MPPED1: variants seen among roughly 807,000 people sequenced by gnomAD.
MPPED1 encodes the protein metallophosphoesterase domain-containing protein 1.
A neutral mutation model predicts 36.2 loss-of-function variants in MPPED1; 16 were observed. The observed-to-expected ratio is 0.44, with a 90% CI of 0.30 to 0.67. The LOEUF (loss-of-function observed/expected upper bound fraction) is 0.67. MPPED1 is among the 30% of genes least tolerant of loss of function. The probability of loss-of-function intolerance (pLI) is 0.10; values close to 1 mark genes in which losing one functional copy is unlikely to be tolerated. For missense variants in MPPED1, 307 were observed against 453.4 expected (o/e 0.68, Z 2.93); for synonymous variants, 199 against 191.3 (o/e 1.04, Z -0.33).
chr22:43,430,602 C>G (rs1929641172), intron 2 of MPPED1, among the ~76,000 whole-genome samples: 1 of 152,136 alleles, frequency 6.6e-6, no homozygotes, highest in Non-Finnish European at 1.5e-5. Context: ...AGATGGGTGT[C>G]AGGTCTCAGA....
At chr22:43,457,927 A>G (rs1246709417) in intron 3 of MPPED1, among the ~76,000 whole-genome samples, 2 of 152,210 alleles carry the variant, frequency 1.3e-5, no homozygotes, top group Non-Finnish European at 1.5e-5. Flanking sequence ...GACAGACTGC[A>G]TATACTACAG....
chr22:43,466,294 T>C (rs1043973304), intron 3 of MPPED1, among the ~76,000 whole-genome samples: 3 of 151,542 alleles, frequency 2.0e-5, no homozygotes, highest in Non-Finnish European at 2.9e-5. Context: ...CATTGGGGGG[T>C]CTGCCATCCT....
intron 4 of MPPED1, among the ~76,000 whole-genome samples, chr22:43,495,292 G>A (rs865782395): frequency 2.0e-5 from 3 of 147,540 alleles, no homozygotes; most frequent in African/African-American, 7.6e-5. Context: ...TGGAGGTGGT[G>A]ATGGAGGTGA....
chr22:43,474,375 C>G lies in MPPED1; in HGVS notation c.407-361C>G, dbSNP rs1215144887. Reference sequence around the variant, plus strand: ...GATGGCCAGTGGAGGCCTGGACAGGCAGGACTGTGGGGACAGTGATCAGGC... The same window carrying G: ...GATGGCCAGTGGAGGCCTGGACAGGGAGGACTGTGGGGACAGTGATCAGGC... On this transcript the variant is annotated intron_variant, in intron 3 of 6. Transcript: ENST00000443721. This position sits in a 1 kb window ranked among gnomAD's most constrained non-coding sequence, Gnocchi z 5.2. Among the ~76,000 whole-genome samples the G allele has an allele frequency of 6.6e-6, 1 of 152,252 alleles. No homozygotes were observed. The highest frequency in any genetic ancestry group is 1.5e-5 in the Non-Finnish European group (1 of 68,044).
chr22:43,449,371 A>T (rs1462892621), intron 3 of MPPED1, among the ~76,000 whole-genome samples: 1 of 151,842 alleles, frequency 6.6e-6, no homozygotes, highest in African/African-American at 2.4e-5. Context: ...CAGGGCAGGG[A>T]TCTGGATCGT....
intron 3 of MPPED1, among the ~76,000 whole-genome samples, chr22:43,460,740 A>G (rs1930929115): frequency 6.6e-6 from 1 of 152,080 alleles, no homozygotes; most frequent in African/African-American, 2.4e-5. Flanking sequence ...GCTCCCTACC[A>G]TTGTGTTGAG....
intron 3 of MPPED1, among the ~76,000 whole-genome samples, chr22:43,445,563 T>G (rs1326448822): frequency 6.7e-6 from 1 of 148,826 alleles, no homozygotes; most frequent in Non-Finnish European, 1.5e-5. Context: ...GTTTCCTTTT[T>G]TTTTTTTTTT....
chr22:43,485,973 C>T (rs1203890403), intron 4 of MPPED1, among the ~76,000 whole-genome samples: 1 of 152,228 alleles, frequency 6.6e-6, no homozygotes, highest in African/African-American at 2.4e-5. Flanking sequence ...GGAGCTGGAC[C>T]CCTGCTGTCC....
At chr22:43,422,870 T>C (rs993026764) in intron 1 of MPPED1, among the ~76,000 whole-genome samples, 3 of 152,232 alleles carry the variant, frequency 2.0e-5, no homozygotes, top group Admixed American at 6.5e-5. Flanking sequence ...TTTTTTGAGA[T>C]AGAGTCTCAA....
chr22:43,484,759 T>A (rs1015254477), intron 4 of MPPED1, among the ~76,000 whole-genome samples: 3 of 152,104 alleles, frequency 2.0e-5, no homozygotes, highest in African/African-American at 2.4e-5. Flanking sequence ...AGGGCAGGTG[T>A]GAGCCCCGCC....
At chr22:43,447,876 TA>T (rs1569073349) in intron 3 of MPPED1, among the ~76,000 whole-genome samples, 2 of 31,742 alleles carry the variant, frequency 6.3e-5, no homozygotes, top group Non-Finnish European at 1.1e-4. Flanking sequence ...TATATATATA[TA>T]TATATATTTT....
intron 4 of MPPED1, among the ~76,000 whole-genome samples, chr22:43,482,654 A>G (rs886794389): frequency 1.3e-5 from 2 of 152,152 alleles, no homozygotes; most frequent in Admixed American, 6.5e-5. Flanking sequence ...CTGTGTGCAC[A>G]CTGCTTGGCA....
chr22:43,501,227 G>C (rs1932725107), intron 5 of MPPED1, among the ~76,000 whole-genome samples: 1 of 152,172 alleles, frequency 6.6e-6, no homozygotes, highest in Admixed American at 6.5e-5. Context: ...GACGGTTCCC[G>C]TCAACATTCG....
chr22:43,479,637 G>A (rs1931688055), intron 4 of MPPED1, among the ~76,000 whole-genome samples: 2 of 152,204 alleles, frequency 1.3e-5, no homozygotes, highest in African/African-American at 4.8e-5. Flanking sequence ...CCCTTTACAG[G>A]GCCACAGTTC....
At chr22:43,448,179 G>T (rs918049850) in intron 3 of MPPED1, among the ~76,000 whole-genome samples, 4 of 152,012 alleles carry the variant, frequency 2.6e-5, no homozygotes, top group African/African-American at 9.7e-5. Flanking sequence ...GTAAGCCACT[G>T]CGCCCATCCT....
intron 4 of MPPED1, among the ~76,000 whole-genome samples, chr22:43,495,470 ATGGTGGAGGTGGTGGTGGAGGTAGTGG>A (rs1227556617): frequency 0.29 from 14,110 of 49,016 alleles, 3,957 homozygotes; most frequent in African/African-American, 0.42. Context: ...AGTGCTGGTG[ATGGTGGAGGTGGTGGTGGAGGTAGTGG>A]TGGTGGAGGT....
intron 1 of MPPED1, among the ~76,000 whole-genome samples, chr22:43,420,876 A>T (rs1929248281): frequency 1.3e-5 from 2 of 152,106 alleles, no homozygotes; most frequent in South Asian, 4.2e-4. Flanking sequence ...TTGTTTTTCC[A>T]TTGCCCTTTC....
chr22:43,416,403 T>A (rs1929076697), intron 1 of MPPED1: 1 of 152,230 alleles, frequency 6.6e-6, no homozygotes, highest in African/African-American at 2.4e-5. Flanking sequence ...TTCAGTGACA[T>A]CTGTTTAATA....
At chr22:43,420,555 C>A (rs1477110878) in intron 1 of MPPED1, among the ~76,000 whole-genome samples, 9 of 152,104 alleles carry the variant, frequency 5.9e-5, no homozygotes, top group Non-Finnish European at 1.3e-4. Context: ...CAGGCGCCCA[C>A]CACCACGCCT....
Sources: gnomAD v4.1 joint callset for allele counts (sites outside exome capture counted in the v4.1 genomes callset) on GRCh38, gnomAD v4.1.1 for gene constraint, Gnocchi (gnomAD v3.1) non-coding constraint, MANE v1.5 for transcripts, NCBI Gene and HGNC (gene_info 2026-07-23, HGNC 2026-07-21) for gene names.